Variants in SLC12A6 observed in about 807,000 individuals in gnomAD.
SLC12A6 encodes K-Cl cotransporter 3.
In SLC12A6, 66 loss-of-function variants were observed where a neutral mutation model predicts 135.3. That is an observed-to-expected ratio of 0.49 (90% CI 0.40 to 0.60). The LOEUF (loss-of-function observed/expected upper bound fraction) is 0.60, where lower values mean the gene tolerates loss of function less well. Among genes scored for constraint, SLC12A6 ranks in the 20% least tolerant of loss-of-function variants. The pLI is 0.00. For missense variants in SLC12A6, 1,058 were observed against 1,452.3 expected, an observed-to-expected ratio of 0.73 and a Z score of 4.41; for synonymous variants, 513 against 508.8, an observed-to-expected ratio of 1.01 and a Z score of -0.11.
intron 2 of SLC12A6, 87 bp downstream of exon 2, chr15:34,336,323 T>C (rs1890190735): frequency 7.5e-6 from 8 of 1,061,048 alleles, no homozygotes; most frequent in Admixed American, 3.7e-5. Flanking sequence ...CATAATTATA[T>C]GATTATGATC....
At chr15:34,332,802 G>GA (rs1049462050) in intron 2 of SLC12A6, among the ~76,000 whole-genome samples, 1 of 151,044 alleles carries the variant, frequency 6.6e-6, no homozygotes, top group African/African-American at 2.4e-5. Flanking sequence ...AAAAGAAAAA[G>GA]AAAAAAAGTA....
chr15:34,257,759 G>C lies in SLC12A6; in HGVS notation c.573C>G (p.Val191=), dbSNP rs1595445841. The change falls in exon 6 of 26, where the codon GTC becomes GTG. Residue 191 remains valine, a synonymous_variant. Coordinates refer to ENST00000354181, the MANE Select transcript of SLC12A6 (RefSeq NM_001365088.1). ...AAATATTTTGTAGACATGGGAGGTA[G>C]ACACCCATGAAGGTACCCATTTGGG... The part of the protein sequence containing the change: ...KTPQMGTFMG[V]YLPCLQNIFG... The C allele has an allele frequency of 6.2e-7, 1 of 1,606,666 alleles. No individual in the cohort carries two copies. The highest frequency in any genetic ancestry group is 8.5e-7 in the Non-Finnish European group (1 of 1,173,194).
chr15:34,332,279 C>G (rs1048401034), intron 2 of SLC12A6, among the ~76,000 whole-genome samples: 7 of 152,178 alleles, frequency 4.6e-5, no homozygotes, highest in African/African-American at 1.4e-4. Context: ...TAACAGCCAG[C>G]CAGTGCCTTA....
chr15:34,295,067 T>C (rs74420897), intron 2 of SLC12A6, among the ~76,000 whole-genome samples: 2,176 of 152,334 alleles, frequency 0.014, 26 homozygotes, highest in Non-Finnish European at 0.023. Flanking sequence ...TTAGCACTTA[T>C]TAGGGTATGT....
chr15:34,305,931 G>C (rs138635543), intron 2 of SLC12A6, among the ~76,000 whole-genome samples: 3,188 of 151,934 alleles, frequency 0.021, 114 homozygotes, highest in African/African-American at 0.073. Context: ...CTAATTTTTT[G>C]TATCTTTTTT....
chr15:34,322,333 A>G (rs1889150800), intron 2 of SLC12A6, among the ~76,000 whole-genome samples: 1 of 152,018 alleles, frequency 6.6e-6, no homozygotes, highest in Non-Finnish European at 1.5e-5. Context: ...GTGAGCCGGG[A>G]TCATTCCACT....
intron 2 of SLC12A6, among the ~76,000 whole-genome samples, chr15:34,286,415 T>G (rs1396420281): frequency 6.6e-6 from 1 of 152,098 alleles, no homozygotes; most frequent in Non-Finnish European, 1.5e-5. Flanking sequence ...AAAATTGTAT[T>G]TGACTCCGTA....
chr15:34,306,264 T>G (rs1216384181), intron 2 of SLC12A6, among the ~76,000 whole-genome samples: 3 of 152,192 alleles, frequency 2.0e-5, no homozygotes, highest in Non-Finnish European at 4.4e-5. Context: ...GGGTAGGCAG[T>G]GCTGCAGCAG....
intron 2 of SLC12A6, among the ~76,000 whole-genome samples, chr15:34,333,196 G>T (rs1889969890): frequency 6.6e-6 from 1 of 150,754 alleles, no homozygotes; most frequent in Non-Finnish European, 1.5e-5. Context: ...AATTGTTTTG[G>T]TAAAAGAAAA....
At chr15:34,275,258 T>C in intron 3 of SLC12A6, 87 bp downstream of exon 3, 3 of 729,508 alleles carry the variant, frequency 4.1e-6, no homozygotes, top group Non-Finnish European at 7.4e-6. Context: ...GGATAGAAAA[T>C]AGAATCAGAG....
At chr15:34,237,373 G>A in intron 22 of SLC12A6, 46 bp downstream of exon 22, 1 of 1,573,308 alleles carries the variant, frequency 6.4e-7, no homozygotes, top group East Asian at 2.3e-5. Flanking sequence ...GACAGGGAGA[G>A]GAATGGGGGA....
chr15:34,246,087 C>T (rs1362533357), intron 13 of SLC12A6, among the ~76,000 whole-genome samples: 1 of 152,116 alleles, frequency 6.6e-6, no homozygotes, highest in Admixed American at 6.6e-5. Flanking sequence ...TGTGCACCAA[C>T]ACACCTGGCT....
At chr15:34,239,567 A>G (rs1304983376) in intron 19 of SLC12A6, among the ~76,000 whole-genome samples, 1 of 152,220 alleles carries the variant, frequency 6.6e-6, no homozygotes, top group Non-Finnish European at 1.5e-5. Context: ...ATCTTACCAG[A>G]AACTCAGTAT....
chr15:34,292,470 G>C (rs982213277), intron 2 of SLC12A6, among the ~76,000 whole-genome samples: 2 of 152,208 alleles, frequency 1.3e-5, no homozygotes, highest in Admixed American at 1.3e-4. Flanking sequence ...AGGAGGCAGT[G>C]TGTCCATTCT....
At chr15:34,285,859 T>C (rs1895037000) in intron 2 of SLC12A6, among the ~76,000 whole-genome samples, 1 of 152,094 alleles carries the variant, frequency 6.6e-6, no homozygotes, top group South Asian at 2.1e-4. Context: ...ATTCCACTTA[T>C]ATTAGTTATC....
In SLC12A6 at chr15:34,232,147, G is replaced by A. The variant is rs1468797157; in HGVS notation, c.*1734C>T. 6.6e-6 allele frequency: 1 copy of A among 152,186 alleles called. No individual in the cohort carries two copies. The highest frequency in any genetic ancestry group is 2.4e-5 in the African/African-American group (1 of 41,434). 9.4% of individuals were successfully genotyped at this position (152,186 alleles called of 1,614,324 possible). The stretch of plus-strand genomic sequence containing the variant: ...AATTACTGCTCAGCCAGCCACATAA[G>A]TAGTTTCCCTATGCTTGTAAGCCAG... On this transcript the variant is annotated 3_prime_UTR_variant, in exon 26 of 26. Coordinates refer to ENST00000354181, the MANE Select transcript of SLC12A6 (RefSeq NM_001365088.1).
At chr15:34,284,375 C>T (rs961490542) in intron 2 of SLC12A6, among the ~76,000 whole-genome samples, 1 of 144,690 alleles carries the variant, frequency 6.9e-6, no homozygotes, top group African/African-American at 2.6e-5. Flanking sequence ...CAGGTTCAAG[C>T]GATTCTCCTG....
Position 34,260,974 on chromosome 15 carries a change from A to G in SLC12A6, c.363T>C (p.Asn121=). The part of the protein sequence containing the change: ...KARNAYLNNS[N]YEEGDEYFDK... ...CAAAATATTCATCTCCTTCTTCATA[A>G]TTGGAATTATTGAGATAAGCATTTC... Residue 121 remains asparagine (N), a synonymous_variant, in exon 4 of 26, where the codon AAT becomes AAC. Transcript: ENST00000354181. 1 of 1,578,744 alleles carries G rather than the reference A, an allele frequency of 6.3e-7. No homozygotes were observed. The highest frequency in any genetic ancestry group is 1.7e-5 in the Admixed American group (1 of 59,954).
intron 2 of SLC12A6, among the ~76,000 whole-genome samples, chr15:34,320,858 A>G (rs957492520): frequency 6.6e-6 from 1 of 151,992 alleles, no homozygotes; most frequent in African/African-American, 2.4e-5. Flanking sequence ...GCAGTGAGCC[A>G]AGATCACGTC....
Sources: gnomAD v4.1 joint callset for allele counts (sites outside exome capture counted in the v4.1 genomes callset) on GRCh38, gnomAD v4.1.1 for gene constraint, MANE v1.5 for transcripts, NCBI Gene and HGNC (gene_info 2026-07-23, HGNC 2026-07-21) for gene names.